The following SPOCK3 variants were observed in gnomAD, a reference collection of about 807,000 sequenced individuals.
The protein encoded by SPOCK3 is testican-3.
SPOCK3 carries 30 observed loss-of-function variants against 56.6 expected under a neutral mutation model. That is an observed-to-expected ratio of 0.53 (90% confidence interval 0.40 to 0.72). The LOEUF is 0.72. Ranked by LOEUF, SPOCK3 falls within the 30% of genes least tolerant of loss-of-function variation. SPOCK3 has a pLI of 0.00. For missense variants in SPOCK3, 527 were observed against 530.0 expected, an observed-to-expected ratio of 0.99 and a Z score of 0.06; for synonymous variants, 196 against 183.3, an observed-to-expected ratio of 1.07 and a Z score of -0.56.
chr4:167,003,464 A>T (rs1298712562), intron 3 of SPOCK3, among the ~76,000 whole-genome samples: 1 of 152,164 alleles, frequency 6.6e-6, no homozygotes, highest in East Asian at 1.9e-4. Context: ...GATGCCTAAG[A>T]TTTTATTCTT....
intron 4 of SPOCK3, among the ~76,000 whole-genome samples, chr4:166,936,107 T>A (rs1740372912): frequency 6.6e-6 from 1 of 152,182 alleles, no homozygotes; most frequent in African/African-American, 2.4e-5. Flanking sequence ...TTATTTCTTT[T>A]ATTGTATTAA....
chr4:167,148,829 T>C (rs1254505540), intron 2 of SPOCK3, among the ~76,000 whole-genome samples: 8 of 152,126 alleles, frequency 5.3e-5, no homozygotes. Flanking sequence ...ATATTAAAAA[T>C]AATTTGCAAG....
chr4:166,937,692 A>G (rs1740577922), intron 4 of SPOCK3, among the ~76,000 whole-genome samples: 1 of 150,012 alleles, frequency 6.7e-6, no homozygotes, highest in Non-Finnish European at 1.5e-5. Flanking sequence ...ATTATTAGGT[A>G]AAGATGTTTC....
At chr4:167,045,273 T>C (rs911585410) in intron 3 of SPOCK3, among the ~76,000 whole-genome samples, 2 of 152,110 alleles carry the variant, frequency 1.3e-5, no homozygotes, top group African/African-American at 4.8e-5. Flanking sequence ...TTTTAATCTA[T>C]ACGTAGCTTT....
At chr4:166,787,643 A>G (rs567707494) in intron 7 of SPOCK3, among the ~76,000 whole-genome samples, 1 of 152,268 alleles carries the variant, frequency 6.6e-6, no homozygotes, top group South Asian at 2.1e-4. Flanking sequence ...AAATGGAATG[A>G]TTAGGCATAG....
intron 6 of SPOCK3, among the ~76,000 whole-genome samples, chr4:166,814,901 A>C (rs1398514782): frequency 6.6e-6 from 1 of 152,074 alleles, no homozygotes; most frequent in African/African-American, 2.4e-5. Context: ...TAAAAATGTA[A>C]AAAGACTGCA....
intron 6 of SPOCK3, among the ~76,000 whole-genome samples, chr4:166,811,994 T>A (rs927512878): frequency 2.0e-5 from 3 of 151,866 alleles, no homozygotes; most frequent in Non-Finnish European, 4.4e-5. Context: ...GAATTAAAGA[T>A]CTGTGTTTTG....
intron 2 of SPOCK3, among the ~76,000 whole-genome samples, chr4:167,105,463 T>TAAAAAAAAAAAAAAAAAAAAAA (rs552028589): frequency 5.1e-5 from 5 of 98,690 alleles, no homozygotes; most frequent in East Asian, 3.0e-4. Flanking sequence ...ACACAAAAAT[T>TAAAAAAAAAAAAAAAAAAAAAA]AAAAAAAAAA....
intron 6 of SPOCK3, among the ~76,000 whole-genome samples, chr4:166,853,564 C>T (rs886723792): frequency 1.3e-5 from 2 of 152,244 alleles, no homozygotes; most frequent in East Asian, 3.9e-4. Flanking sequence ...AAGCATTTTA[C>T]AGGATGGGTA....
intron 8 of SPOCK3, among the ~76,000 whole-genome samples, 172 bp from the exon 9 acceptor site, chr4:166,742,231 T>TAAC (rs1734931040): frequency 3.6e-5 from 2 of 55,916 alleles, no homozygotes; most frequent in Non-Finnish European, 7.6e-5. Flanking sequence ...TGTGTCTATC[T>TAAC]ATCATCTATC....
At chr4:167,135,576 T>C (rs981408207) in intron 2 of SPOCK3, among the ~76,000 whole-genome samples, 1 of 152,136 alleles carries the variant, frequency 6.6e-6, no homozygotes, top group African/African-American at 2.4e-5. Context: ...ATGAGTCATA[T>C]TGGAAGTGTA....
chr4:167,068,696 T>A lies in SPOCK3; in HGVS notation c.190-6159A>T, dbSNP rs190592693. ...ATCTTCCAGTGTCATATCAGACTTA[T>A]GATTTTATTTTTTTCAACTGTTCCA... On this transcript the variant is annotated intron_variant, in intron 2 of 10. Transcript: ENST00000357545. Among the ~76,000 whole-genome samples, 82 of 152,000 alleles carry A rather than the reference T, an allele frequency of 5.4e-4. 1 individual carries two copies. Among genetic ancestry groups the A allele is most frequent in the Non-Finnish European group, 1.1e-3 (72 of 67,912 alleles).
At chr4:167,224,751 C>A (rs189024759) in intron 2 of SPOCK3, among the ~76,000 whole-genome samples, 5 of 152,172 alleles carry the variant, frequency 3.3e-5, no homozygotes, top group Admixed American at 2.6e-4. Flanking sequence ...CCTCTGACTC[C>A]CTGGTTCAAG....
intron 4 of SPOCK3, among the ~76,000 whole-genome samples, chr4:166,955,313 C>A (rs942138367): frequency 1.3e-5 from 2 of 151,000 alleles, no homozygotes; most frequent in Admixed American, 1.3e-4. Context: ...GAGCTGACTG[C>A]TATATTACTA....
intron 2 of SPOCK3, among the ~76,000 whole-genome samples, chr4:167,211,836 T>C (rs1445268942): frequency 1.3e-5 from 2 of 152,226 alleles, no homozygotes; most frequent in African/African-American, 2.4e-5. Flanking sequence ...CTTTTCATTT[T>C]AACAACAGAC....
intron 6 of SPOCK3, among the ~76,000 whole-genome samples, chr4:166,877,484 A>G (rs191074990): frequency 6.6e-6 from 1 of 152,324 alleles, no homozygotes; most frequent in Non-Finnish European, 1.5e-5. Context: ...ATACAAATAA[A>G]TATAAACGTA....
intron 8 of SPOCK3, among the ~76,000 whole-genome samples, chr4:166,743,393 T>G (rs772485008): frequency 5.9e-5 from 9 of 152,154 alleles, no homozygotes; most frequent in Non-Finnish European, 1.2e-4. Context: ...AGATAGGTGC[T>G]TAACATATAC....
At chr4:166,835,746 C>T (rs186948067) in intron 6 of SPOCK3, among the ~76,000 whole-genome samples, 12 of 152,262 alleles carry the variant, frequency 7.9e-5, no homozygotes, top group Admixed American at 2.6e-4. Flanking sequence ...TGGTGGCTCA[C>T]GCCAGCACTT....
intron 2 of SPOCK3, among the ~76,000 whole-genome samples, chr4:167,222,502 TATGA>T (rs1193143124): frequency 7.2e-6 from 1 of 138,290 alleles, no homozygotes. Flanking sequence ...CATATGAATA[TATGA>T]ATATATAATA....
Sources: gnomAD v4.1 joint callset for allele counts (sites outside exome capture counted in the v4.1 genomes callset) on GRCh38, gnomAD v4.1.1 for gene constraint, MANE v1.5 for transcripts, NCBI Gene and HGNC (gene_info 2026-07-23, HGNC 2026-07-21) for gene names.